Variants in STPG2 observed in about 807,000 individuals in gnomAD.
The protein encoded by STPG2 is sperm tail PG-rich repeat containing 2, also known as sperm-tail PG-rich repeat-containing protein 2.
In STPG2, 56 loss-of-function variants were observed where a neutral mutation model predicts 54.2. The ratio of observed to expected loss-of-function variants is 1.03; its 90% CI spans 0.83 to 1.29. STPG2 has a LOEUF of 1.29. STPG2 is among the 50% of genes most tolerant of loss of function. The probability of loss-of-function intolerance (pLI) is 0.00; values close to 1 mark genes in which losing one functional copy is unlikely to be tolerated. For synonymous variants in STPG2, 200 were observed against 181.8 expected (o/e 1.10, Z -0.81); for missense variants, 596 against 544.9 (o/e 1.09, Z -0.93).
intron 5 of STPG2, among the ~76,000 whole-genome samples, chr4:98,046,634 G>A (rs188604013): frequency 1.2e-3 from 180 of 152,156 alleles, no homozygotes; most frequent in African/African-American, 4.0e-3. Context: ...TTCAAGATGC[G>A]GCCAAAAAAG....
chr4:97,760,643 G>A (rs1478285876), intron 9 of STPG2, among the ~76,000 whole-genome samples: 2 of 152,112 alleles, frequency 1.3e-5, no homozygotes, highest in African/African-American at 4.8e-5. Flanking sequence ...ATCTAAAGAA[G>A]GTCATCTTGG....
chr4:97,853,256 G>A (rs777568813), intron 8 of STPG2, among the ~76,000 whole-genome samples: 6 of 151,732 alleles, frequency 4.0e-5, no homozygotes, highest in African/African-American at 9.7e-5. Context: ...GTGAGTCACC[G>A]CGCCCCGCCA....
chr4:98,126,220 T>A (rs1739824988), intron 3 of STPG2, among the ~76,000 whole-genome samples: 1 of 151,934 alleles, frequency 6.6e-6, no homozygotes, highest in African/African-American at 2.4e-5. Flanking sequence ...CCTACAGGAG[T>A]GGATGATCTC....
chr4:97,514,978 G>C (rs1731044952), intron 4 of STPG2, among the ~76,000 whole-genome samples: 1 of 152,094 alleles, frequency 6.6e-6, no homozygotes, highest in Admixed American at 6.6e-5. Flanking sequence ...TTAAACCCAA[G>C]ATGTTAGTGA....
At chr4:97,444,287 C>T (rs559930172) in intron 4 of STPG2, among the ~76,000 whole-genome samples, 1 of 152,244 alleles carries the variant, frequency 6.6e-6, no homozygotes, top group East Asian at 1.9e-4. Flanking sequence ...CATCAATCCA[C>T]ACAATCCAGA....
rs568612444 is a variant in STPG2, at chr4:97,842,898, T to A, written c.1045-1966A>T. Among the ~76,000 whole-genome samples the A allele has an allele frequency of 8.6e-5, 13 of 152,024 alleles. No individual in the cohort carries two copies. In the South Asian group the frequency reaches 2.7e-3, roughly 31 times the overall value. On this transcript the variant is annotated intron_variant, in intron 8 of 10. Coordinates refer to ENST00000295268, the MANE Select transcript of STPG2 (RefSeq NM_174952.3). ...TGTTCCCTCCTCTTCCTACTCATCT[T>A]AAATTCTAATTTTATCTGACCAAGA...
intron 8 of STPG2, among the ~76,000 whole-genome samples, chr4:97,920,067 G>A (rs533916931): frequency 6.6e-6 from 1 of 152,140 alleles, no homozygotes; most frequent in South Asian, 2.1e-4. Flanking sequence ...AAAGTAGCTG[G>A]CCTAAAAGAA....
intron 10 of STPG2, among the ~76,000 whole-genome samples, chr4:97,682,815 CT>C (rs1488300544): frequency 1.3e-5 from 2 of 151,692 alleles, no homozygotes; most frequent in African/African-American, 4.8e-5. Flanking sequence ...AGTTTAAGTC[CT>C]TGGTGCTAAC....
intron 10 of STPG2, among the ~76,000 whole-genome samples, chr4:97,562,724 G>C (rs780428648): frequency 4.6e-5 from 7 of 152,010 alleles, no homozygotes; most frequent in Non-Finnish European, 1.0e-4. Context: ...CTTTGCTTCT[G>C]TTTATATGCT....
At chr4:97,632,522 T>G (rs1721324366) in intron 10 of STPG2, among the ~76,000 whole-genome samples, 1 of 152,048 alleles carries the variant, frequency 6.6e-6, no homozygotes, top group African/African-American at 2.4e-5. Context: ...ATAAAATACC[T>G]TTTTTTATAA....
At chr4:97,678,104 A>G (rs1046769696) in intron 10 of STPG2, among the ~76,000 whole-genome samples, 1 of 152,074 alleles carries the variant, frequency 6.6e-6, no homozygotes, top group African/African-American at 2.4e-5. Context: ...AAAAAAATAA[A>G]TGAAATTGCT....
At chr4:98,101,634 C>T (rs1346817978) in intron 5 of STPG2, among the ~76,000 whole-genome samples, 1 of 151,840 alleles carries the variant, frequency 6.6e-6, no homozygotes, top group African/African-American at 2.4e-5. Flanking sequence ...GCAATTCCTG[C>T]GAGAGCTTTG....
intron 10 of STPG2, among the ~76,000 whole-genome samples, chr4:97,687,677 C>A (rs894323870): frequency 6.6e-6 from 1 of 152,104 alleles, no homozygotes; most frequent in African/African-American, 2.4e-5. Flanking sequence ...CCTTTTTATT[C>A]CACCTGACTG....
chr4:97,826,049 G>T (rs943574843), intron 9 of STPG2, among the ~76,000 whole-genome samples: 1 of 152,154 alleles, frequency 6.6e-6, no homozygotes, highest in African/African-American at 2.4e-5. Context: ...CATGTGGAGA[G>T]CCTTGCCCTC....
In STPG2 at chr4:97,502,755, G is replaced by A. The variant is rs545016605; in HGVS notation, c.462+209944C>T. ...CCTGACAAAAAAAATAATAGGAACA[G>A]ACTGGAAAGTGGGAGGAATACTAAA... is the stretch of plus-strand genomic sequence containing the variant. On this transcript the variant is annotated intron_variant, in intron 4 of 4. Transcript: ENST00000522676. 4.6e-5 allele frequency among the ~76,000 whole-genome samples: 7 copies of A among 151,936 alleles called. No individual in the cohort carries two copies. In the South Asian group the frequency reaches 1.5e-3, roughly 32 times the overall value.
intron 8 of STPG2, among the ~76,000 whole-genome samples, chr4:97,887,180 A>G (rs568092332): frequency 6.6e-6 from 1 of 152,336 alleles, no homozygotes; most frequent in South Asian, 2.1e-4. Context: ...ATTAATATAA[A>G]GATACCTGAA....
intron 10 of STPG2, among the ~76,000 whole-genome samples, chr4:97,590,642 C>CAG (rs58318234): frequency 0.1 from 14,766 of 146,560 alleles, 2,148 homozygotes; most frequent in African/African-American, 0.35. Context: ...CACACAGACA[C>CAG]ACACACACAC....
At chr4:97,585,739 C>T (rs540642121) in intron 10 of STPG2, among the ~76,000 whole-genome samples, 2 of 151,976 alleles carry the variant, frequency 1.3e-5, no homozygotes, top group African/African-American at 4.8e-5. Flanking sequence ...GTAGGATATC[C>T]AGTGATACCA....
At chr4:98,118,977 T>A (rs1739595993) in intron 3 of STPG2, among the ~76,000 whole-genome samples, 1 of 152,110 alleles carries the variant, frequency 6.6e-6, no homozygotes, top group African/African-American at 2.4e-5. Flanking sequence ...TTCTTTATAG[T>A]AAAATGCCAA....
Sources: allele counts gnomAD v4.1 joint callset (sites outside exome capture counted in the v4.1 genomes callset), GRCh38; gene constraint gnomAD v4.1.1; transcripts MANE v1.5; gene names NCBI Gene and HGNC (gene_info 2026-07-23, HGNC 2026-07-21).